The following CAVIN1 variants were observed in gnomAD, a reference collection of about 807,000 sequenced individuals.
The protein encoded by CAVIN1 is caveolae-associated protein 1.
CAVIN1 carries 16 observed loss-of-function variants against 24.0 expected under a neutral mutation model. That is an observed-to-expected ratio of 0.67 (90% CI 0.45 to 1.01). CAVIN1 has a LOEUF of 1.01. Ranked by LOEUF, CAVIN1 falls within the 50% of genes least tolerant of loss-of-function variation. CAVIN1 has a pLI of 0.00. For synonymous variants in CAVIN1, 256 were observed against 256.4 expected (o/e 1.00, Z 0.02); for missense variants, 510 against 551.7 (o/e 0.92, Z 0.76).
At chr17:42,418,221 T>G (rs1426200821) in intron 1 of CAVIN1, among the ~76,000 whole-genome samples, 2 of 150,590 alleles carry the variant, frequency 1.3e-5, no homozygotes, top group Non-Finnish European at 1.5e-5. Flanking sequence ...AATGCGTGAC[T>G]GTATTTCCTT....
At chr17:42,413,737 C>T (rs1203189156) in intron 1 of CAVIN1, among the ~76,000 whole-genome samples, 1 of 152,062 alleles carries the variant, frequency 6.6e-6, no homozygotes, top group African/African-American at 2.4e-5. Flanking sequence ...AATCCTTCCC[C>T]AGCCATAATC....
rs1215495457 is a variant in CAVIN1 at position 42,402,450 on chromosome 17, C to G, written c.*2237G>C. ...TCAGAGAATACAATCAAACACAGAT[C>G]CTTTTAGAAAAGCAGGTTTATTGGT... On this transcript the variant is annotated 3_prime_UTR_variant, in exon 2 of 2. Transcript: ENST00000357037. The G allele has an allele frequency of 2.0e-5, 3 of 152,084 alleles. No homozygotes were observed. The highest frequency in any genetic ancestry group is 7.3e-5 in the African/African-American group (3 of 41,352). The allele number at this position is 152,084 out of a possible 1,614,324, so 9.4% of individuals were successfully genotyped here.
At position 42,412,713 on chromosome 17, in the gene CAVIN1, G is replaced by A. The variant is rs183133319; in HGVS notation, c.472-7325C>T. On this transcript the variant is annotated intron_variant, in intron 1 of 1. Coordinates refer to ENST00000357037, the MANE Select transcript of CAVIN1 (RefSeq NM_012232.6). ...GCTCACTGCAACCTCCACCTCCCAG[G>A]TTCAAGTAATTCTCCTGCCTCAGCC... 1.5e-3 allele frequency among the ~76,000 whole-genome samples: 229 copies of A among 152,142 alleles called. 2 individuals carry two copies. The highest frequency in any genetic ancestry group is 5.2e-3 in the African/African-American group (217 of 41,498).
intron 1 of CAVIN1, among the ~76,000 whole-genome samples, chr17:42,405,695 T>TGTTG (rs55668445): frequency 2.2e-5 from 3 of 134,292 alleles, no homozygotes; most frequent in East Asian, 4.5e-4. Flanking sequence ...TTTTTTTTTT[T>TGTTG]TTTTTTTTTT....
chr17:42,410,557 A>C (rs2085469301), intron 1 of CAVIN1, among the ~76,000 whole-genome samples: 1 of 152,112 alleles, frequency 6.6e-6, no homozygotes, highest in Non-Finnish European at 1.5e-5. Context: ...CAGTACATAA[A>C]CAGATATACA....
chr17:42,417,459 C>CAAAAA (rs61462482), intron 1 of CAVIN1, among the ~76,000 whole-genome samples: 1,456 of 131,130 alleles, frequency 0.011, 28 homozygotes, highest in African/African-American at 0.016. Flanking sequence ...AACTTGTCTC[C>CAAAAA]AAAAAAAAAA....
chr17:42,411,504 A>C, intron 1 of CAVIN1: 1 of 985,334 alleles, frequency 1.0e-6, no homozygotes, highest in South Asian at 4.7e-5. Context: ...GTGAGTTGGC[A>C]GCTTTTGGGC....
intron 1 of CAVIN1, among the ~76,000 whole-genome samples, chr17:42,414,676 C>T (rs949922649): frequency 1.3e-5 from 2 of 152,012 alleles, no homozygotes; most frequent in African/African-American, 2.4e-5. Flanking sequence ...AGATGCCAGG[C>T]GAGAGGGACA....
chr17:42,409,475 C>T (rs1009200608), intron 1 of CAVIN1, among the ~76,000 whole-genome samples: 5 of 152,072 alleles, frequency 3.3e-5, no homozygotes, highest in East Asian at 1.9e-4. Flanking sequence ...CCCCATTCAT[C>T]GTAGGCTTCC....
In CAVIN1 at chr17:42,403,595, C is replaced by G. The variant is rs2085424653; in HGVS notation, c.*1092G>C. On this transcript the variant is annotated 3_prime_UTR_variant, in exon 2 of 2. Coordinates refer to ENST00000357037, the MANE Select transcript of CAVIN1 (RefSeq NM_012232.6). ...TCATGCAGCTAGTGAGGGGACTTCT[C>G]TCTTCACCCATTTCCACCTTCTCCT... 1 of 152,776 alleles carries G rather than the reference C, an allele frequency of 6.5e-6. No individual in the cohort carries two copies. The highest frequency in any genetic ancestry group is 1.5e-5 in the Non-Finnish European group (1 of 68,136). The allele number at this position is 152,776 out of a possible 1,614,324, so 9.5% of individuals were successfully genotyped here.
chr17:42,405,212 G>T lies in CAVIN1; in HGVS notation c.648C>A (p.Ser216=), dbSNP rs762464679. ...CGCTGCGCTTGATACGCTCTGCGCG[G>T]GACTCCTCAATAACCTCCTCAACCT... The part of the protein sequence containing the change: ...AVEVEEVIEE[S]RAERIKRSGL... The change falls in exon 2 of 2, where the codon TCC becomes TCA. Residue 216 remains serine, a synonymous_variant. Transcript: ENST00000357037. 16 of 1,613,848 alleles carry T rather than the reference G, an allele frequency of 9.9e-6. No individual in the cohort carries two copies. The highest frequency in any genetic ancestry group is 1.3e-5 in the African/African-American group (1 of 74,886).
chr17:42,421,904 T>C (rs1334995002), intron 1 of CAVIN1, among the ~76,000 whole-genome samples: 6 of 151,826 alleles, frequency 4.0e-5, no homozygotes. Flanking sequence ...ACGCCCACTC[T>C]TCCCCGCCCA....
chr17:42,420,128 G>A (rs1304002030), intron 1 of CAVIN1, among the ~76,000 whole-genome samples: 1 of 152,076 alleles, frequency 6.6e-6, no homozygotes, highest in East Asian at 1.9e-4. Flanking sequence ...CTGTAGTGGG[G>A]AATACAGCAT....
rs60085741 is a variant in CAVIN1 at position 42,413,566 on chromosome 17, G to GAAA, written c.472-8181_472-8179dup. On this transcript the variant is annotated intron_variant, in intron 1 of 1. Coordinates refer to ENST00000357037, the MANE Select transcript of CAVIN1 (RefSeq NM_012232.6). ...AGAGCAAAAGTCTGTCTCAAAAAGGGAAAAAAAAAAAAAAAAAAAAAAAAA... is the reference window on the plus strand; with the variant it reads ...AGAGCAAAAGTCTGTCTCAAAAAGGGAAAAAAAAAAAAAAAAAAAAAAAAAAAA... 7.4e-3 allele frequency among the ~76,000 whole-genome samples: 422 copies of GAAA among 56,684 alleles called. 12 individuals are homozygous for GAAA. The highest frequency in any genetic ancestry group is 0.014 in the African/African-American group (182 of 13,432). 37.2% of individuals were successfully genotyped at this position (56,684 alleles called of 152,430 possible). A position where few individuals can be genotyped will look rare whatever the true frequency, so the allele number is the denominator to read the frequency against.
At chr17:42,413,580 A>G (rs1176165994) in intron 1 of CAVIN1, among the ~76,000 whole-genome samples, 1 of 71,700 alleles carries the variant, frequency 1.4e-5, no homozygotes, top group African/African-American at 6.1e-5. Flanking sequence ...AAAAAAAAAA[A>G]AAAAAAAAAA....
intron 1 of CAVIN1, among the ~76,000 whole-genome samples, chr17:42,421,302 C>G (rs1305409733): frequency 6.6e-6 from 1 of 152,178 alleles, no homozygotes; most frequent in Non-Finnish European, 1.5e-5. Context: ...CGCCTCACCC[C>G]AGATGGTCAC....
intron 1 of CAVIN1, among the ~76,000 whole-genome samples, chr17:42,417,830 TG>T (rs2085521075): frequency 6.6e-6 from 1 of 152,038 alleles, no homozygotes; most frequent in South Asian, 2.1e-4. Context: ...ACCTAATTTT[TG>T]TATTTTTATT....
intron 1 of CAVIN1, among the ~76,000 whole-genome samples, chr17:42,421,132 G>T (rs1295993735): frequency 6.6e-6 from 1 of 152,140 alleles, no homozygotes; most frequent in Non-Finnish European, 1.5e-5. Context: ...GTCATCCGTG[G>T]GTAAGGGTGG....
chr17:42,423,211 G>C lies in CAVIN1; in HGVS notation c.-114C>G. ...CTAGCGGGCGAGAGCGGAGAGCAGA[G>C]GAAACTCGAGCCACGTCCGTGCGCA... On this transcript the variant is annotated 5_prime_UTR_variant, in exon 1 of 2. Coordinates refer to ENST00000357037, the MANE Select transcript of CAVIN1 (RefSeq NM_012232.6). The C allele has an allele frequency of 1.1e-6, 1 of 873,194 alleles. No individual in the cohort carries two copies. The highest frequency in any genetic ancestry group is 1.7e-6 in the Non-Finnish European group (1 of 580,138). 54.1% of individuals were successfully genotyped at this position (873,194 alleles called of 1,614,324 possible).
Sources: allele counts gnomAD v4.1 joint callset (sites outside exome capture counted in the v4.1 genomes callset), GRCh38; gene constraint gnomAD v4.1.1; transcripts MANE v1.5; gene names NCBI Gene and HGNC (gene_info 2026-07-23, HGNC 2026-07-21).